Variants in FAAH2 observed in about 807,000 individuals in gnomAD.
FAAH2 encodes fatty-acid amide hydrolase 2.
FAAH2 carries 60 observed loss-of-function variants against 36.9 expected under a neutral mutation model. The observed-to-expected ratio is 1.63, with a 90% CI of 1.32 to 2.02. FAAH2 has a LOEUF of 2.02. Among genes scored for constraint, FAAH2 ranks in the 30% most tolerant of loss-of-function variants. FAAH2 has a pLI of 0.00. For synonymous variants in FAAH2, 214 were observed against 143.8 expected, an observed-to-expected ratio of 1.49 and a Z score of -3.49; for missense variants, 689 against 397.5, an observed-to-expected ratio of 1.73 and a Z score of -6.23.
At chrX:57,132,941 A>G in the FAAH2 span, among the ~76,000 whole-genome samples, 1 of 111,846 alleles carries the variant, frequency 8.9e-6, no homozygotes, top group Non-Finnish European at 1.9e-5. Context: ...TTGCTCCTCA[A>G]ACATGCCAGG....
intron 3 of FAAH2, among the ~76,000 whole-genome samples, chrX:57,311,256 T>C (rs2052684719): frequency 8.9e-6 from 1 of 112,318 alleles, no homozygotes; most frequent in Non-Finnish European, 1.9e-5. Context: ...ACAAAACTTA[T>C]GGGATGTAGC....
chrX:57,210,522 T>G, the FAAH2 span, among the ~76,000 whole-genome samples: 2 of 112,156 alleles, frequency 1.8e-5, no homozygotes, highest in Admixed American at 1.9e-4. Flanking sequence ...ATCATAAAAA[T>G]TTCAACAATG....
At chrX:57,366,152 C>A (rs2054408716) in intron 5 of FAAH2, among the ~76,000 whole-genome samples, 1 of 111,721 alleles carries the variant, frequency 9.0e-6, no homozygotes, top group South Asian at 3.7e-4. Context: ...TTCTTTCTTT[C>A]TTTTTTCCAT....
At chrX:57,273,251 A>T in the FAAH2 span, among the ~76,000 whole-genome samples, 1 of 111,821 alleles carries the variant, frequency 8.9e-6, no homozygotes, top group Non-Finnish European at 1.9e-5. Context: ...AGGAGCACAC[A>T]TATTAATAAA....
the FAAH2 span, among the ~76,000 whole-genome samples, chrX:57,151,678 G>T: frequency 9.0e-6 from 1 of 110,787 alleles, no homozygotes; most frequent in Admixed American, 9.6e-5. Flanking sequence ...TTTTTTCAAA[G>T]TTTTTAACTT....
At chrX:57,465,337 A>T (rs1031996747) in intron 10 of FAAH2, among the ~76,000 whole-genome samples, 2 of 111,716 alleles carry the variant, frequency 1.8e-5, no homozygotes, top group African/African-American at 6.5e-5. Flanking sequence ...AATCAAAAAA[A>T]GTTTGAGGAC....
At chrX:57,198,428 C>T in the FAAH2 span, among the ~76,000 whole-genome samples, 1 of 112,022 alleles carries the variant, frequency 8.9e-6, no homozygotes, top group African/African-American at 3.2e-5. Context: ...CCATGCCCCA[C>T]CAACAGGTCT....
intron 7 of FAAH2, among the ~76,000 whole-genome samples, chrX:57,417,218 C>T (rs1319534073): frequency 8.9e-6 from 1 of 112,013 alleles, no homozygotes; most frequent in Non-Finnish European, 1.9e-5. Context: ...CTTCTGAAGC[C>T]TTCTTCCATC....
chrX:57,128,524 TAAAG>T, the FAAH2 span, among the ~76,000 whole-genome samples: 13 of 111,047 alleles, frequency 1.2e-4, no homozygotes, highest in Non-Finnish European at 2.3e-4. Context: ...CATGGAAACT[TAAAG>T]GAAATAACTA....
chrX:57,197,272 T>C, the FAAH2 span, among the ~76,000 whole-genome samples: 2 of 111,900 alleles, frequency 1.8e-5, no homozygotes, highest in Admixed American at 1.9e-4. Context: ...CATCCTTATC[T>C]GTATTATTTG....
intron 7 of FAAH2, among the ~76,000 whole-genome samples, chrX:57,386,827 G>A (rs2055036254): frequency 8.9e-6 from 1 of 112,439 alleles, no homozygotes; most frequent in South Asian, 3.6e-4. Context: ...AGAAGTGACA[G>A]TGTTGCAGAC....
Position 57,392,511 on chromosome X carries a change from CCTA to C in FAAH2, c.996+11486_996+11488del, listed in dbSNP as rs1221333263. 18 of 725,010 alleles carry C rather than the reference CCTA, an allele frequency of 2.5e-5. No homozygotes were observed. In the East Asian group the frequency reaches 6.4e-4, roughly 26 times the overall value. The allele number at this position is 725,010 out of a possible 1,213,427, so 59.7% of individuals were successfully genotyped here. A position where few individuals can be genotyped will look rare whatever the true frequency, so the allele number is the denominator to read the frequency against. ...GCTGAAAATGACATCCGGGAAAACT[CCTA>C]CTATTAGTTTCAGATCTTCTGGGCA... is the stretch of plus-strand genomic sequence containing the variant. On this transcript the variant is annotated intron_variant, in intron 7 of 10. Transcript: ENST00000374900.
the FAAH2 span, among the ~76,000 whole-genome samples, chrX:57,210,289 T>A: frequency 8.9e-6 from 1 of 111,747 alleles, no homozygotes; most frequent in African/African-American, 3.3e-5. Flanking sequence ...CAGAATTTTT[T>A]CTAATAGTAA....
At chrX:57,397,259 C>T (rs2055328412) in intron 7 of FAAH2, among the ~76,000 whole-genome samples, 1 of 111,728 alleles carries the variant, frequency 9.0e-6, no homozygotes, top group South Asian at 3.7e-4. Flanking sequence ...AGGCCATTTA[C>T]ATTCAATGTT....
chrX:57,242,873 G>C, the FAAH2 span, among the ~76,000 whole-genome samples: 1 of 111,928 alleles, frequency 8.9e-6, no homozygotes, highest in African/African-American at 3.2e-5. Flanking sequence ...GTTTCTTTTC[G>C]TAACCTAGTG....
At chrX:57,281,771 CAT>C (rs754215702), upstream of FAAH2, among the ~76,000 whole-genome samples, 1 of 111,422 alleles carries the variant, frequency 9.0e-6, no homozygotes, top group South Asian at 3.8e-4. Context: ...TCTTTGTGGC[CAT>C]ATGTCCTCAT....
chrX:57,442,499 G>C (rs1208121180), intron 8 of FAAH2, among the ~76,000 whole-genome samples: 1 of 110,942 alleles, frequency 9.0e-6, no homozygotes, highest in Non-Finnish European at 1.9e-5. Flanking sequence ...GAGCCAATGT[G>C]TGTCTCTGCA....
At chrX:57,384,210 C>T (rs2054943136) in intron 7 of FAAH2, among the ~76,000 whole-genome samples, 1 of 108,366 alleles carries the variant, frequency 9.2e-6, no homozygotes, top group Non-Finnish European at 1.9e-5. Flanking sequence ...AGACCTAAAA[C>T]CATAAAAACC....
intron 5 of FAAH2, among the ~76,000 whole-genome samples, chrX:57,373,333 T>C (rs1325765952): frequency 1.8e-5 from 2 of 111,266 alleles, no homozygotes; most frequent in African/African-American, 3.3e-5. Flanking sequence ...TGTACTAGTT[T>C]ACACTCCCAT....
Sources: gnomAD v4.1 joint callset for allele counts (sites outside exome capture counted in the v4.1 genomes callset) on GRCh38, gnomAD v4.1.1 for gene constraint, MANE v1.5 for transcripts, NCBI Gene and HGNC (gene_info 2026-07-23, HGNC 2026-07-21) for gene names.